STX18: variants seen among roughly 807,000 people sequenced by gnomAD.
STX18 encodes syntaxin-18.
STX18 carries 40 observed loss-of-function variants against 50.1 expected under a neutral mutation model. The ratio of observed to expected loss-of-function variants is 0.80; its 90% CI spans 0.62 to 1.04. The LOEUF is 1.04. STX18 is among the 50% of genes least tolerant of loss of function. The pLI is 0.00. For synonymous variants in STX18, 158 were observed against 151.8 expected (o/e 1.04, Z -0.30); for missense variants, 410 against 415.8 (o/e 0.99, Z 0.12).
chr4:4,433,171 T>C (rs1035750967), intron 7 of STX18, among the ~76,000 whole-genome samples: 4 of 152,246 alleles, frequency 2.6e-5, no homozygotes, highest in Non-Finnish European at 4.4e-5. Flanking sequence ...TAATTCCTAC[T>C]TGACTGGATT....
chr4:4,444,425 C>G (rs952081214), intron 5 of STX18, among the ~76,000 whole-genome samples: 2 of 152,210 alleles, frequency 1.3e-5, no homozygotes, highest in African/African-American at 4.8e-5. Flanking sequence ...TAGCACTTCA[C>G]ATCTACATCA....
At chr4:4,534,338 C>T (rs1166801752) in intron 1 of STX18, among the ~76,000 whole-genome samples, 2 of 152,228 alleles carry the variant, frequency 1.3e-5, no homozygotes, top group Non-Finnish European at 2.9e-5. Context: ...TGGCACTCAA[C>T]TCTAACCCTG....
intron 1 of STX18, among the ~76,000 whole-genome samples, chr4:4,515,033 T>C (rs906395892): frequency 2.0e-5 from 3 of 152,204 alleles, no homozygotes; most frequent in Non-Finnish European, 4.4e-5. Flanking sequence ...CATAAGGTAC[T>C]TGTAATCCTC....
intron 3 of STX18, among the ~76,000 whole-genome samples, chr4:4,459,113 C>T (rs1429134295): frequency 6.6e-6 from 1 of 151,024 alleles, no homozygotes; most frequent in Non-Finnish European, 1.5e-5. Flanking sequence ...CTGCCCCTGG[C>T]CCCTAGATAT....
intron 1 of STX18, among the ~76,000 whole-genome samples, chr4:4,505,369 G>T (rs1349906345): frequency 6.6e-6 from 1 of 152,194 alleles, no homozygotes; most frequent in Non-Finnish European, 1.5e-5. Flanking sequence ...ACAGTACACT[G>T]CAAAGTATGG....
chr4:4,538,233 A>G (rs958326119), intron 1 of STX18, among the ~76,000 whole-genome samples: 1 of 152,196 alleles, frequency 6.6e-6, no homozygotes, highest in Admixed American at 6.5e-5. Context: ...CTGGGGTACA[A>G]TGTTGCAAAG....
At chr4:4,445,593 A>G (rs1181673394) in intron 5 of STX18, among the ~76,000 whole-genome samples, 1 of 149,822 alleles carries the variant, frequency 6.7e-6, no homozygotes, top group Non-Finnish European at 1.5e-5. Flanking sequence ...ACAATAGAAT[A>G]AAAAAAAAAT....
intron 7 of STX18, among the ~76,000 whole-genome samples, chr4:4,431,918 T>A (rs1249726203): frequency 6.6e-6 from 1 of 152,134 alleles, no homozygotes; most frequent in Admixed American, 6.5e-5. Flanking sequence ...GCTGTCTTCC[T>A]CTAACCACCG....
At chr4:4,521,457 T>C (rs1293837936) in intron 1 of STX18, among the ~76,000 whole-genome samples, 1 of 152,096 alleles carries the variant, frequency 6.6e-6, no homozygotes, top group Non-Finnish European at 1.5e-5. Flanking sequence ...TCTCCAAGTA[T>C]GCATCATGAA....
intron 7 of STX18, chr4:4,426,442 A>G (rs1470221619): frequency 6.6e-6 from 1 of 152,246 alleles, no homozygotes; most frequent in Non-Finnish European, 1.5e-5. Flanking sequence ...TTAGTAAACC[A>G]AAAATACAAG....
intron 3 of STX18, among the ~76,000 whole-genome samples, chr4:4,457,747 T>C (rs992611720): frequency 7.2e-5 from 11 of 152,240 alleles, no homozygotes; most frequent in African/African-American, 1.9e-4. Context: ...CACTTAAGGA[T>C]AGTATTTGAC....
chr4:4,495,276 A>G (rs1017941629), intron 1 of STX18, among the ~76,000 whole-genome samples: 15 of 152,200 alleles, frequency 9.9e-5, no homozygotes, highest in African/African-American at 3.6e-4. Context: ...GAAGACCTCA[A>G]ATGTCTAGTG....
chr4:4,419,987 CTG>C lies in STX18; in HGVS notation c.*45_*46del. The stretch of plus-strand genomic sequence containing the variant: ...CTGGAAGTACATGAAAGCACGCAGT[CTG>C]TGAGTGCCCATGAGGACTCTCGTGC... On this transcript the variant is annotated 3_prime_UTR_variant, in exon 11 of 11. Coordinates refer to ENST00000306200, the MANE Select transcript of STX18 (RefSeq NM_016930.4). The C allele has an allele frequency of 1.3e-6, 2 of 1,493,852 alleles. No homozygotes were observed. Among genetic ancestry groups the C allele is most frequent in the Non-Finnish European group, 9.2e-7 (1 of 1,086,562 alleles). The allele number at this position is 1,493,852 out of a possible 1,614,324, so 92.5% of individuals were successfully genotyped here.
chr4:4,517,669 T>TA (rs35800086), intron 1 of STX18, among the ~76,000 whole-genome samples: 1 of 152,194 alleles, frequency 6.6e-6, no homozygotes, highest in Non-Finnish European at 1.5e-5. Flanking sequence ...CTTGTGTTTT[T>TA]AAAAACCACT....
chr4:4,501,516 C>T (rs1482355284), intron 1 of STX18, among the ~76,000 whole-genome samples: 1 of 152,100 alleles, frequency 6.6e-6, no homozygotes, highest in African/African-American at 2.4e-5. Flanking sequence ...AAAATAAGAC[C>T]TCAGTTTCCT....
intron 5 of STX18, among the ~76,000 whole-genome samples, chr4:4,441,766 C>G (rs1259284396): frequency 6.6e-6 from 1 of 152,116 alleles, no homozygotes; most frequent in African/African-American, 2.4e-5. Flanking sequence ...TGAAATTCAT[C>G]TGGAAATAAG....
chr4:4,505,311 G>A (rs905503153), intron 1 of STX18, among the ~76,000 whole-genome samples: 12 of 152,186 alleles, frequency 7.9e-5, no homozygotes, highest in African/African-American at 2.9e-4. Context: ...ACTTACAGAT[G>A]TATTTACCTA....
At chr4:4,464,459 C>T (rs1398665585) in intron 2 of STX18, among the ~76,000 whole-genome samples, 4 of 152,214 alleles carry the variant, frequency 2.6e-5, no homozygotes, top group South Asian at 2.1e-4. Context: ...TGTTTCACTA[C>T]AGGACAGACG....
intron 5 of STX18, among the ~76,000 whole-genome samples, chr4:4,444,149 TTGGCGGGAGGG>T (rs1380159167): frequency 1.3e-5 from 2 of 152,224 alleles, no homozygotes; most frequent in African/African-American, 4.8e-5. Flanking sequence ...TGGAGGTTGT[TTGGCGGGAGGG>T]TGGCTAAGTG....
Sources: allele counts gnomAD v4.1 joint callset (sites outside exome capture counted in the v4.1 genomes callset), GRCh38; gene constraint gnomAD v4.1.1; transcripts MANE v1.5; gene names NCBI Gene and HGNC (gene_info 2026-07-23, HGNC 2026-07-21).